The following CDH11 variants were observed in gnomAD, a reference collection of about 807,000 sequenced individuals.
CDH11 encodes the protein cadherin-11.
Under a neutral mutation model 67.8 loss-of-function variants are expected in CDH11, and 11 were observed. The ratio of observed to expected loss-of-function variants is 0.16; its 90% confidence interval spans 0.10 to 0.27. The LOEUF (loss-of-function observed/expected upper bound fraction) is 0.27, where lower values mean the gene tolerates loss of function less well. Ranked by LOEUF, CDH11 falls within the 10% of genes least tolerant of loss-of-function variation. CDH11 has a pLI of 1.00. For missense variants in CDH11, 847 were observed against 1,031.2 expected (o/e 0.82, Z 2.45); for synonymous variants, 419 against 400.0 (o/e 1.05, Z -0.57).
chr16:65,058,857 T>C (rs1186021705), intron 1 of CDH11, among the ~76,000 whole-genome samples: 1 of 152,132 alleles, frequency 6.6e-6, no homozygotes, highest in Non-Finnish European at 1.5e-5. Flanking sequence ...TGGAGGATAA[T>C]CACAATACAT....
intron 4 of CDH11, among the ~76,000 whole-genome samples, chr16:64,993,940 T>C (rs1018940007): frequency 1.3e-5 from 2 of 152,182 alleles, no homozygotes; most frequent in Non-Finnish European, 2.9e-5. Flanking sequence ...ACTGTATTAG[T>C]GAGAAATTGA....
At chr16:65,037,474 G>A (rs189721648) in intron 2 of CDH11, among the ~76,000 whole-genome samples, 34 of 152,158 alleles carry the variant, frequency 2.2e-4, no homozygotes, top group African/African-American at 7.9e-4. Flanking sequence ...CCATCACCCC[G>A]ACTCCTGTTT....
At position 64,946,166 on chromosome 16, in the gene CDH11, C is replaced by A; in HGVS notation, c.*1437G>T. 1 of 1,052,960 alleles carries A rather than the reference C, an allele frequency of 9.5e-7. No individual in the cohort carries two copies. The highest frequency in any genetic ancestry group is 1.1e-6 in the Non-Finnish European group (1 of 871,586). 65.2% of individuals were successfully genotyped at this position (1,052,960 alleles called of 1,614,324 possible). On this transcript the variant is annotated 3_prime_UTR_variant, in exon 13 of 13. Transcript: ENST00000268603. ...AACAAAGCTTTTTTAAATGAATCGC[C>A]CATTCTCATTAAAACATAAAATGCC...
chr16:64,948,013 T>A lies in CDH11; in HGVS notation c.1981A>T (p.Ile661Phe), dbSNP rs1374216301. The A allele has an allele frequency of 3.1e-6, 5 of 1,614,152 alleles. No individual in the cohort carries two copies. Among genetic ancestry groups the A allele is most frequent in the Non-Finnish European group, 4.2e-6 (5 of 1,180,026 alleles). ...CCACCCCCTTCATCATCATAAGTAATGATGTTCTCACGGACATCTTCTTCC... is the reference window on the plus strand; with the variant it reads ...CCACCCCCTTCATCATCATAAGTAAAGATGTTCTCACGGACATCTTCTTCC... ...FEEEDVRENIITYDDEGGGEE... is the reference protein window; with the variant it reads ...FEEEDVRENIFTYDDEGGGEE... Residue 661 changes from isoleucine (I) to phenylalanine (F), a missense_variant, in exon 13 of 13, where the codon ATT (isoleucine) becomes TTT (phenylalanine). Ile to Phe is a conservative substitution (Grantham distance 21, BLOSUM62 0). Transcript: ENST00000268603.
chr16:64,950,975 C>T lies in CDH11; in HGVS notation c.1686G>A (p.Arg562=). The change falls in exon 12 of 13, where the codon CGG becomes CGA. Residue 562 remains arginine, a synonymous_variant. Transcript: ENST00000268603. ...GCAGAAGGTACAAGTCCTGCTTCTG[C>T]CGACTGAACCCTCCACGCCGGGCGT... ...GVYARRGGFS[R]QKQDLYLLPI... 4 of 1,614,108 alleles carry T rather than the reference C, an allele frequency of 2.5e-6. No individual in the cohort carries two copies. The highest frequency in any genetic ancestry group is 3.4e-6 in the Non-Finnish European group (4 of 1,180,034).
At chr16:64,974,050 TA>T (rs530438436) in intron 8 of CDH11, among the ~76,000 whole-genome samples, 1 of 152,040 alleles carries the variant, frequency 6.6e-6, no homozygotes, top group Non-Finnish European at 1.5e-5. Flanking sequence ...TAATAACGGA[TA>T]AAAAAACCAC....
At chr16:64,962,758 T>A (rs1002327089) in intron 11 of CDH11, among the ~76,000 whole-genome samples, 5 of 152,136 alleles carry the variant, frequency 3.3e-5, no homozygotes, top group Admixed American at 1.3e-4. Context: ...AAAAAACTTT[T>A]AAAGGAAGCC....
intron 1 of CDH11, among the ~76,000 whole-genome samples, chr16:65,059,003 G>A (rs939029022): frequency 6.6e-6 from 1 of 152,122 alleles, no homozygotes; most frequent in Non-Finnish European, 1.5e-5. Flanking sequence ...TAATAGATGT[G>A]TATTTATACA....
At chr16:65,007,266 T>C (rs2073078195) in intron 2 of CDH11, among the ~76,000 whole-genome samples, 2 of 152,176 alleles carry the variant, frequency 1.3e-5, no homozygotes, top group South Asian at 4.1e-4. Context: ...TAAAGCCTGG[T>C]GACTGTCACT....
intron 2 of CDH11, among the ~76,000 whole-genome samples, chr16:65,048,702 A>G (rs9934486): frequency 0.068 from 10,380 of 152,106 alleles, 1,211 homozygotes; most frequent in African/African-American, 0.24. Context: ...ATATGTAGAT[A>G]TAGACATATA....
At chr16:65,074,608 T>A (rs1293680463) in intron 1 of CDH11, among the ~76,000 whole-genome samples, 2 of 152,172 alleles carry the variant, frequency 1.3e-5, no homozygotes, top group Non-Finnish European at 2.9e-5. Flanking sequence ...CCTATGGATG[T>A]ACCCTTGTGT....
intron 1 of CDH11, among the ~76,000 whole-genome samples, chr16:65,113,194 G>C (rs2075188825): frequency 6.6e-6 from 1 of 151,786 alleles, no homozygotes; most frequent in South Asian, 2.1e-4. Context: ...GCTGAGGCAG[G>C]AGAATCACTT....
intron 1 of CDH11, among the ~76,000 whole-genome samples, chr16:65,080,431 T>C (rs1321769200): frequency 6.6e-6 from 1 of 152,204 alleles, no homozygotes; most frequent in African/African-American, 2.4e-5. Context: ...CCAGAAGAGA[T>C]GTTTTAATTA....
chr16:65,103,261 T>C lies in CDH11; in HGVS notation c.-298+18619A>G, dbSNP rs116767895. Among the ~76,000 whole-genome samples the C allele has an allele frequency of 9.8e-3, 1,487 of 152,316 alleles. 37 individuals are homozygous for C. Among genetic ancestry groups the C allele is most frequent in the African/African-American group, 0.033 (1,366 of 41,552 alleles). ...ACCTGCTAGATGCTTATTTAGTATA[T>C]AAATATATGTTTTAAACAATTGTGT... is the stretch of plus-strand genomic sequence containing the variant. On this transcript the variant is annotated intron_variant, in intron 1 of 12. Transcript: ENST00000268603.
chr16:65,034,501 C>T (rs2073713262), intron 2 of CDH11, among the ~76,000 whole-genome samples: 1 of 152,128 alleles, frequency 6.6e-6, no homozygotes, highest in Admixed American at 6.5e-5. Flanking sequence ...AATGCTGCAG[C>T]CATGAGTACT....
At position 64,944,293 on chromosome 16, in the gene CDH11, T is replaced by C. The variant is rs1028717706; in HGVS notation, c.*3310A>G. ...TGGGGTCAGTCTTCCGGGTCAGAGA[T>C]GACCATGGCCCAGACCAGGCTGATG... On this transcript the variant is annotated 3_prime_UTR_variant, in exon 13 of 13. Coordinates refer to ENST00000268603, the MANE Select transcript of CDH11 (RefSeq NM_001797.4). 4.3e-6 allele frequency: 1 copy of C among 232,978 alleles called. No individual in the cohort carries two copies. The highest frequency in any genetic ancestry group is 2.2e-5 in the African/African-American group (1 of 45,326). The allele number at this position is 232,978 out of a possible 1,614,324, so 14.4% of individuals were successfully genotyped here.
intron 2 of CDH11, among the ~76,000 whole-genome samples, chr16:65,011,549 G>A (rs182828428): frequency 2.9e-4 from 44 of 152,220 alleles, no homozygotes; most frequent in African/African-American, 1.0e-3. Context: ...ATCTCTTTAA[G>A]TAACTAAATC....
At chr16:65,038,284 G>A (rs924042800) in intron 2 of CDH11, among the ~76,000 whole-genome samples, 4 of 152,062 alleles carry the variant, frequency 2.6e-5, no homozygotes, top group South Asian at 2.1e-4. Flanking sequence ...GCTGTTTCGC[G>A]GGACGCTGCT....
rs1305886131 is a variant in CDH11 at position 64,945,799 on chromosome 16, A to C, written c.*1804T>G. On this transcript the variant is annotated 3_prime_UTR_variant, in exon 13 of 13. Transcript: ENST00000268603. Reference sequence around the variant, plus strand: ...GACTAAATCATAAAAATAGTACATAACATGATATCAAGAAATGCTTGAAAC... The same window carrying C: ...GACTAAATCATAAAAATAGTACATACCATGATATCAAGAAATGCTTGAAAC... 9 of 1,046,230 alleles carry C rather than the reference A, an allele frequency of 8.6e-6. 1 individual carries two copies. In the East Asian group the frequency reaches 5.0e-4, roughly 59 times the overall value. 64.8% of individuals were successfully genotyped at this position (1,046,230 alleles called of 1,614,324 possible).
Sources: allele counts gnomAD v4.1 joint callset (sites outside exome capture counted in the v4.1 genomes callset), GRCh38; gene constraint gnomAD v4.1.1; transcripts MANE v1.5; gene names NCBI Gene and HGNC (gene_info 2026-07-23, HGNC 2026-07-21).